Variants in SLC25A15 observed in about 807,000 individuals in gnomAD.
SLC25A15 encodes solute carrier family 25 member 15, also known as mitochondrial ornithine transporter 1.
In SLC25A15, 24 loss-of-function variants were observed where a neutral mutation model predicts 32.3. That is an observed-to-expected ratio of 0.74 (90% confidence interval 0.54 to 1.04). The LOEUF (loss-of-function observed/expected upper bound fraction) is 1.04. Among genes scored for constraint, SLC25A15 ranks in the 50% least tolerant of loss-of-function variants. SLC25A15 has a pLI of 0.00. For missense variants in SLC25A15, 317 were observed against 374.5 expected (o/e 0.85, Z 1.27); for synonymous variants, 132 against 142.1 (o/e 0.93, Z 0.51).
At position 40,811,170 on chromosome 13, in the gene SLC25A15, G is replaced by A. The variant is rs1221953633; in HGVS notation, c.*1503G>A. On this transcript the variant is annotated 3_prime_UTR_variant, in exon 7 of 7. Coordinates refer to ENST00000338625, the MANE Select transcript of SLC25A15 (RefSeq NM_014252.4). ...TTAATGATGACTGTATATGTGATATGAGTTTATAAAGCAATGGAACATAAG... is the reference window on the plus strand; with the variant it reads ...TTAATGATGACTGTATATGTGATATAAGTTTATAAAGCAATGGAACATAAG... Among the ~76,000 whole-genome samples, 1 of 152,184 alleles carries A rather than the reference G, an allele frequency of 6.6e-6. No individual in the cohort carries two copies. The highest frequency in any genetic ancestry group is 2.4e-5 in the African/African-American group (1 of 41,444).
At position 40,805,148 on chromosome 13, in the gene SLC25A15, C is replaced by T. The variant is rs35434090; in HGVS notation, c.345C>T (p.Phe115=). ...TGCAGAATGCAGCCGCCGGTTCCTT[C>T]GCCTCTGCCTTTGCTGCACTGGTGC... is the stretch of plus-strand genomic sequence containing the variant. ...SDLQNAAAGS[F]ASAFAALVLC... The change falls in exon 4 of 7, where the codon TTC becomes TTT. Residue 115 remains phenylalanine, a synonymous_variant. Transcript: ENST00000338625. The T allele has an allele frequency of 2.1e-4, 335 of 1,614,172 alleles. No homozygotes were observed. Among genetic ancestry groups the T allele is most frequent in the African/African-American group, 5.3e-5 (4 of 75,056 alleles).
In SLC25A15 at chr13:40,794,694, A is replaced by G. The variant is rs73461261; in HGVS notation, c.55+1413A>G. ...ATTGCCCAAAGGAAAACCCTGGACT[A>G]CCCTGGGCTCCCGCAGGATTCTCAT... On this transcript the variant is annotated intron_variant, in intron 2 of 6. Transcript: ENST00000338625. 4.9e-3 allele frequency among the ~76,000 whole-genome samples: 752 copies of G among 152,196 alleles called. 7 individuals carry two copies. Among genetic ancestry groups the G allele is most frequent in the African/African-American group, 0.017 (713 of 41,526 alleles).
In SLC25A15 at chr13:40,793,881, G is replaced by A. The variant is rs568303979; in HGVS notation, c.55+600G>A. ...GAAAACAGCTCAGAGGTGAAGCCAC[G>A]TGTCCATTGTCACCTGGCTGGGATA... On this transcript the variant is annotated intron_variant, in intron 2 of 6. Coordinates refer to ENST00000338625, the MANE Select transcript of SLC25A15 (RefSeq NM_014252.4). Among the ~76,000 whole-genome samples the A allele has an allele frequency of 5.9e-5, 9 of 152,366 alleles. No homozygotes were observed. In the East Asian group the frequency reaches 1.2e-3, roughly 20 times the overall value.
In SLC25A15 at chr13:40,808,497, T is replaced by C; in HGVS notation, c.682T>C (p.Tyr228His). 2 of 1,613,526 alleles carry C rather than the reference T, an allele frequency of 1.2e-6. No individual in the cohort carries two copies. Among genetic ancestry groups the C allele is most frequent in the Non-Finnish European group, 1.7e-6 (2 of 1,179,854 alleles). ...VGGICLWLAV[Y>H]PVDCIKSRIQ... Reference sequence around the variant, plus strand: ...TGGGATTTGCCTCTGGCTTGCGGTATACCCAGTGGATTGTATCAAATCCAG... The same window carrying C: ...TGGGATTTGCCTCTGGCTTGCGGTACACCCAGTGGATTGTATCAAATCCAG... The change falls in exon 6 of 7, where the codon TAC (tyrosine) becomes CAC (histidine). Residue 228 changes from tyrosine (Y) to histidine (H), a missense_variant. Tyr to His is a moderately conservative substitution (Grantham distance 83). Coordinates refer to ENST00000338625, the MANE Select transcript of SLC25A15 (RefSeq NM_014252.4).
At chr13:40,794,954 T>C (rs1168463901) in intron 2 of SLC25A15, among the ~76,000 whole-genome samples, 1 of 152,128 alleles carries the variant, frequency 6.6e-6, no homozygotes, top group Non-Finnish European at 1.5e-5. Flanking sequence ...AGAGAGCGCG[T>C]CACCGTCACC....
At position 40,805,392 on chromosome 13, in the gene SLC25A15, C is replaced by A. The variant is rs530635313; in HGVS notation, c.452+137C>A. 1.4e-5 allele frequency: 15 copies of A among 1,048,702 alleles called. No homozygotes were observed. In the African/African-American group the frequency reaches 1.7e-4, roughly 12 times the overall value. 65.0% of individuals were successfully genotyped at this position (1,048,702 alleles called of 1,614,324 possible). On this transcript the variant is annotated intron_variant, in intron 4 of 6. Transcript: ENST00000338625. ...CAAAATATTGTTTCTAGAATGCTTT[C>A]CCCTATCAGAGATTTTCTGAAAGGA...
chr13:40,808,111 C>T (rs1268604063), intron 5 of SLC25A15, among the ~76,000 whole-genome samples: 1 of 152,158 alleles, frequency 6.6e-6, no homozygotes, highest in Non-Finnish European at 1.5e-5. Context: ...CTGTCTTCTC[C>T]CCACTGTAGG....
At chr13:40,795,878 A>G (rs1593289334) in intron 2 of SLC25A15, among the ~76,000 whole-genome samples, 1 of 152,288 alleles carries the variant, frequency 6.6e-6, no homozygotes, top group East Asian at 1.9e-4. Context: ...GGAGCAGTAG[A>G]TTTGTTCAAG....
intron 3 of SLC25A15, among the ~76,000 whole-genome samples, chr13:40,802,521 C>T (rs1881932693): frequency 6.6e-6 from 1 of 151,894 alleles, no homozygotes; most frequent in Admixed American, 6.6e-5. Flanking sequence ...TGATTTTATA[C>T]TAATCTTTAA....
chr13:40,809,564 G>T lies in SLC25A15; in HGVS notation c.803G>T (p.Gly268Val). Residue 268 changes from glycine to valine, a missense_variant, in exon 7 of 7, where the codon GGA becomes GTA. Gly to Val is a moderately radical substitution (Grantham distance 109). Transcript: ENST00000338625. ...CTAGGAATAACGGCCTTATATTCTG[G>T]ACTGAAACCTACTATGATTCGAGCA... is the stretch of plus-strand genomic sequence containing the variant. The part of the protein sequence containing the change: ...KNEGITALYS[G>V]LKPTMIRAFP... The T allele has an allele frequency of 6.2e-7, 1 of 1,612,008 alleles. No individual in the cohort carries two copies. Among genetic ancestry groups the T allele is most frequent in the Non-Finnish European group, 8.5e-7 (1 of 1,179,854 alleles).
Position 40,805,183 on chromosome 13 carries a change from C to T in SLC25A15, c.380C>T (p.Thr127Met), listed in dbSNP as rs201902280. 1.5e-4 allele frequency: 250 copies of T among 1,614,042 alleles called. No homozygotes were observed. Among genetic ancestry groups the T allele is most frequent in the Non-Finnish European group, 2.0e-4 (235 of 1,180,046 alleles). ...SAFAALVLCP[T>M]ELVKCRLQTM... The stretch of plus-strand genomic sequence containing the variant: ...TTTGCTGCACTGGTGCTCTGCCCCA[C>T]GGAGCTCGTGAAGTGCCGGCTGCAG... Residue 127 changes from threonine (T) to methionine (M), a missense_variant, in exon 4 of 7, where the codon ACG becomes ATG. Transcript: ENST00000338625.
chr13:40,800,903 T>C (rs937187615), intron 3 of SLC25A15, among the ~76,000 whole-genome samples: 2 of 152,316 alleles, frequency 1.3e-5, no homozygotes, highest in Middle Eastern at 3.4e-3. Context: ...TCTGGGTACA[T>C]TTATTTCATA....
rs557403062 is a variant in SLC25A15, at chr13:40,810,874, A to G, written c.*1207A>G. 5.6e-6 allele frequency: 3 copies of G among 534,488 alleles called. No individual in the cohort carries two copies. The highest frequency in any genetic ancestry group is 1.9e-5 in the African/African-American group (1 of 52,068). 33.1% of individuals were successfully genotyped at this position (534,488 alleles called of 1,614,324 possible). ...TGTCTCTGGGTCCTGGCCTGGGGCC[A>G]TCAATCCACTTTGGGCCACTCACTG... is the stretch of plus-strand genomic sequence containing the variant. On this transcript the variant is annotated 3_prime_UTR_variant, in exon 7 of 7. Coordinates refer to ENST00000338625, the MANE Select transcript of SLC25A15 (RefSeq NM_014252.4).
Position 40,799,235 on chromosome 13 carries a change from C to T in SLC25A15, c.234C>T (p.Asn78=). The T allele has an allele frequency of 6.2e-7, 1 of 1,614,216 alleles. No homozygotes were observed. Residue 78 remains asparagine (N), a synonymous_variant, in exon 3 of 7, where the codon AAC becomes AAT. Coordinates refer to ENST00000338625, the MANE Select transcript of SLC25A15 (RefSeq NM_014252.4). ...CACTAATCGCCAACATCGCTGAGAA[C>T]TCAGTCCTCTTCATGTGCTACGGCT... The part of the protein sequence containing the change: ...SPALIANIAE[N]SVLFMCYGFC...
intron 3 of SLC25A15, among the ~76,000 whole-genome samples, chr13:40,800,960 C>G (rs1485624748): frequency 6.6e-6 from 1 of 152,142 alleles, no homozygotes; most frequent in Non-Finnish European, 1.5e-5. Flanking sequence ...AGGCTGGGCA[C>G]AGTGGCTCAC....
chr13:40,798,956 C>G, intron 2 of SLC25A15, 101 bp from the exon 3 acceptor site: 1 of 1,607,968 alleles, frequency 6.2e-7, no homozygotes, highest in Non-Finnish European at 8.5e-7. Flanking sequence ...TTGAAATGAA[C>G]CGAAGCAGGG....
chr13:40,808,288 A>G, intron 5 of SLC25A15, 150 bp from the exon 6 acceptor site: 1 of 751,954 alleles, frequency 1.3e-6, no homozygotes. Context: ...TGGGAACAAG[A>G]GCTTTGACAG....
chr13:40,792,739 T>C (rs973175369), intron 1 of SLC25A15, among the ~76,000 whole-genome samples: 5 of 152,136 alleles, frequency 3.3e-5, no homozygotes, highest in Non-Finnish European at 7.4e-5. Context: ...TGGGTGCTCT[T>C]TTCCAGACCT....
At chr13:40,809,514 C>G in intron 6 of SLC25A15, 29 bp from the exon 7 acceptor site, 1 of 1,611,894 alleles carries the variant, frequency 6.2e-7, no homozygotes, top group Non-Finnish European at 8.5e-7. Flanking sequence ...GGGATTGTTG[C>G]AGTCTTTGAC....
Sources: gnomAD v4.1 joint callset for allele counts (sites outside exome capture counted in the v4.1 genomes callset) on GRCh38, gnomAD v4.1.1 for gene constraint, MANE v1.5 for transcripts, NCBI Gene and HGNC (gene_info 2026-07-23, HGNC 2026-07-21) for gene names.